Variants in IL19 observed in about 807,000 individuals in gnomAD.
The protein encoded by IL19 is interleukin 19, also known as interleukin-19.
A neutral mutation model predicts 19.5 loss-of-function variants in IL19; 15 were observed. The observed-to-expected ratio is 0.77, with a 90% confidence interval of 0.52 to 1.19. The LOEUF is 1.19. Ranked by LOEUF, IL19 falls within the 50% of genes most tolerant of loss-of-function variation. The pLI is 0.00. For synonymous variants in IL19, 78 were observed against 78.3 expected (o/e 1.00, Z 0.02); for missense variants, 199 against 213.1 (o/e 0.93, Z 0.41).
intron 1 of IL19, among the ~76,000 whole-genome samples, chr1:206,774,256 A>T (rs1399087244): frequency 6.6e-6 from 1 of 152,208 alleles, no homozygotes; most frequent in Non-Finnish European, 1.5e-5. Flanking sequence ...AGGGAGTGTC[A>T]ATGTAGAAAC....
chr1:206,839,147 G>T (rs1056163043), intron 4 of IL19, among the ~76,000 whole-genome samples: 2 of 152,220 alleles, frequency 1.3e-5, no homozygotes, highest in Non-Finnish European at 2.9e-5. Context: ...ACTGGGCTGT[G>T]CCTGGGAATT....
At chr1:206,773,662 C>T (rs757902868) in intron 1 of IL19, among the ~76,000 whole-genome samples, 19 of 146,468 alleles carry the variant, frequency 1.3e-4, no homozygotes, top group Non-Finnish European at 2.8e-4. Context: ...TGGGTTGCGG[C>T]GAGGAGTGTT....
rs1675598947 is a variant in IL19 at position 206,798,882 on chromosome 1, C to T, written c.-127C>T. 1.9e-6 allele frequency: 3 copies of T among 1,588,434 alleles called. No individual in the cohort carries two copies. The highest frequency in any genetic ancestry group is 1.3e-5 in the African/African-American group (1 of 74,332). On this transcript the variant is annotated 5_prime_UTR_variant, in exon 2 of 7. Transcript: ENST00000659997. ...ATAGAGCGGTGCTTGCACACACTGA[C>T]AGGAGTCCAAGAATGTGCACTGAGG...
At chr1:206,839,775 A>G in intron 4 of IL19, 75 bp from the exon 5 acceptor site, 1 of 1,312,592 alleles carries the variant, frequency 7.6e-7, no homozygotes, top group East Asian at 2.3e-5. Flanking sequence ...CGCTGCCCCT[A>G]CTCAAATGGA....
intron 1 of IL19, among the ~76,000 whole-genome samples, chr1:206,785,281 A>C (rs1230249049): frequency 6.6e-6 from 1 of 152,196 alleles, no homozygotes; most frequent in African/African-American, 2.4e-5. Flanking sequence ...GCAAAAGAAC[A>C]CATACACCAC....
intron 2 of IL19, among the ~76,000 whole-genome samples, chr1:206,799,554 G>T (rs2102459891): frequency 6.6e-6 from 1 of 152,302 alleles, no homozygotes; most frequent in South Asian, 2.1e-4. Context: ...AGCTTTCTCT[G>T]CATCTCTGAG....
chr1:206,785,763 C>T (rs1464007267), intron 1 of IL19, among the ~76,000 whole-genome samples: 1 of 152,132 alleles, frequency 6.6e-6, no homozygotes, highest in Non-Finnish European at 1.5e-5. Flanking sequence ...TCTCATAGAC[C>T]CCCAGCTCCC....
At chr1:206,832,200 A>C (rs530566438) in intron 2 of IL19, among the ~76,000 whole-genome samples, 29 of 152,362 alleles carry the variant, frequency 1.9e-4, no homozygotes, top group African/African-American at 6.7e-4. Context: ...GCTCCTAACA[A>C]AGGTGTCTTC....
chr1:206,784,624 G>C (rs1051023579), intron 1 of IL19, among the ~76,000 whole-genome samples: 3 of 152,228 alleles, frequency 2.0e-5, no homozygotes, highest in African/African-American at 7.2e-5. Context: ...ACTTGGTAGG[G>C]GAGGACGTGA....
chr1:206,799,007 G>A lies in IL19; in HGVS notation c.-3+1G>A, dbSNP rs1181105309. 1.2e-6 allele frequency: 2 copies of A among 1,603,724 alleles called. 1 individual carries two copies. Among genetic ancestry groups the A allele is most frequent in the South Asian group, 2.2e-5 (2 of 90,770 alleles). ...GTGCTTTGGGGCTCTGTTCCACGGG[G>A]TAAGTAATTTCTGCTATAGGGACCC... On this transcript the variant is annotated splice_donor_variant, in intron 2 of 6. Transcript: ENST00000659997. LOFTEE classifies it low-confidence loss of function (5UTR_SPLICE).
Position 206,787,271 on chromosome 1 carries a change from G to T in IL19, c.-148-11590G>T, listed in dbSNP as rs75143582. Among the ~76,000 whole-genome samples the T allele has an allele frequency of 6.7e-3, 1,020 of 152,252 alleles. 10 individuals are homozygous for T. Among genetic ancestry groups the T allele is most frequent in the African/African-American group, 0.023 (955 of 41,540 alleles). On this transcript the variant is annotated intron_variant, in intron 1 of 6. Transcript: ENST00000659997. Reference sequence around the variant, plus strand: ...TCCTTTAACAACCTGACTCCACTGAGATTTCATTTTTAAAAAAATCCTCCA... The same window carrying T: ...TCCTTTAACAACCTGACTCCACTGATATTTCATTTTTAAAAAAATCCTCCA...
chr1:206,801,354 G>T (rs1425214942), intron 2 of IL19, among the ~76,000 whole-genome samples: 2 of 152,128 alleles, frequency 1.3e-5, no homozygotes, highest in Non-Finnish European at 2.9e-5. Context: ...GTCCTCATGT[G>T]CCTGGAGGCG....
At chr1:206,773,736 T>C (rs902509261) in intron 1 of IL19, among the ~76,000 whole-genome samples, 1 of 152,114 alleles carries the variant, frequency 6.6e-6, no homozygotes, top group African/African-American at 2.4e-5. Context: ...GGAAAGTCTC[T>C]GGGGATCCTT....
intron 1 of IL19, among the ~76,000 whole-genome samples, chr1:206,787,248 C>T (rs1489146270): frequency 6.6e-6 from 1 of 152,188 alleles, no homozygotes; most frequent in African/African-American, 2.4e-5. Flanking sequence ...ATGAGCCTTC[C>T]TTTAACAACC....
At chr1:206,815,823 T>C (rs1676140455) in intron 2 of IL19, among the ~76,000 whole-genome samples, 1 of 152,234 alleles carries the variant, frequency 6.6e-6, no homozygotes, top group African/African-American at 2.4e-5. Context: ...ATCTTTAAAG[T>C]ACAGTAAGTC....
Position 206,840,263 on chromosome 1 carries a change from G to T in IL19, c.363+261G>T, listed in dbSNP as rs1388748339. On this transcript the variant is annotated intron_variant, in intron 5 of 6. Transcript: ENST00000659997. ...CCAACTTATGTCAACATATTCCTTA[G>T]TAAGAGGCATGGCAAGGACTCCAGT... 9.6e-6 allele frequency: 6 copies of T among 623,686 alleles called. No homozygotes were observed. The African/African-American group carries it at 1.1e-4, about 11-fold the overall frequency. The allele number at this position is 623,686 out of a possible 1,614,324, so 38.6% of individuals were successfully genotyped here. A position where few individuals can be genotyped will look rare whatever the true frequency, so the allele number is the denominator to read the frequency against.
At chr1:206,804,916 T>C (rs1675807981) in intron 2 of IL19, among the ~76,000 whole-genome samples, 1 of 152,234 alleles carries the variant, frequency 6.6e-6, no homozygotes, top group Non-Finnish European at 1.5e-5. Flanking sequence ...AAATGCTCTT[T>C]AGAAGAATCC....
At chr1:206,788,259 T>C (rs1675311855) in intron 1 of IL19, among the ~76,000 whole-genome samples, 1 of 152,178 alleles carries the variant, frequency 6.6e-6, no homozygotes, top group South Asian at 2.1e-4. Context: ...CTAAGACATG[T>C]CCTGACCCAA....
intron 2 of IL19, among the ~76,000 whole-genome samples, chr1:206,827,465 C>T (rs1035045494): frequency 3.2e-4 from 48 of 152,142 alleles, no homozygotes; most frequent in African/African-American, 1.0e-3. Flanking sequence ...TCGAGGAGGG[C>T]GGATCACGAG....
Sources: allele counts gnomAD v4.1 joint callset (sites outside exome capture counted in the v4.1 genomes callset), GRCh38; gene constraint gnomAD v4.1.1; transcripts MANE v1.5; gene names NCBI Gene and HGNC (gene_info 2026-07-23, HGNC 2026-07-21).